DOCK1: variants seen among roughly 807,000 people sequenced by gnomAD.
DOCK1 encodes the protein dedicator of cytokinesis protein 1.
Under a neutral mutation model 262.7 loss-of-function variants are expected in DOCK1, and 138 were observed. The ratio of observed to expected loss-of-function variants is 0.53; its 90% CI spans 0.46 to 0.61. The LOEUF is 0.61. Ranked by LOEUF, DOCK1 falls within the 20% of genes least tolerant of loss-of-function variation. The pLI is 0.00. For synonymous variants in DOCK1, 866 were observed against 867.4 expected, an observed-to-expected ratio of 1.00 and a Z score of 0.03; for missense variants, 1,908 against 2,370.7, an observed-to-expected ratio of 0.80 and a Z score of 4.05.
chr10:127,042,574 G>T (rs2044089892), intron 19 of DOCK1, 51 bp from the exon 20 acceptor site: 5 of 1,492,980 alleles, frequency 3.3e-6, no homozygotes, highest in South Asian at 2.3e-5. Context: ...CCAGTGTGTG[G>T]GGGAAGTCCG....
chr10:127,111,068 T>C (rs1163725924), intron 25 of DOCK1, among the ~76,000 whole-genome samples: 2 of 152,202 alleles, frequency 1.3e-5, no homozygotes, highest in Non-Finnish European at 2.9e-5. Flanking sequence ...ATTTGGCTGC[T>C]CCATTCATTT....
chr10:127,191,384 C>T lies in DOCK1; in HGVS notation c.2848-56624C>T, dbSNP rs1214853761. 2.0e-5 allele frequency among the ~76,000 whole-genome samples: 3 copies of T among 152,278 alleles called. No homozygotes were observed. In the East Asian group the frequency reaches 5.8e-4, roughly 29 times the overall value. On this transcript the variant is annotated intron_variant, in intron 27 of 51. Coordinates refer to ENST00000623213, the MANE Select transcript of DOCK1 (RefSeq NM_001290223.2). ...AGTACATATCCACAAATCAGAAGTC[C>T]TCTCTGAACAAAGCCATCTGCATAT...
chr10:126,942,282 C>CGAAGT (rs1462163398), intron 1 of DOCK1, among the ~76,000 whole-genome samples: 44 of 152,182 alleles, frequency 2.9e-4, no homozygotes, highest in Non-Finnish European at 6.3e-4. Context: ...CTCGGCCTCC[C>CGAAGT]GAAGTGCTGG....
At chr10:127,049,494 C>G (rs2044570323) in intron 21 of DOCK1, among the ~76,000 whole-genome samples, 1 of 151,802 alleles carries the variant, frequency 6.6e-6, no homozygotes, top group Non-Finnish European at 1.5e-5. Flanking sequence ...GCACGCCAGC[C>G]TGAGTGACAG....
In DOCK1 at chr10:127,000,212, T is replaced by C. The variant is rs141906544; in HGVS notation, c.890T>C (p.Phe297Ser). The C allele has an allele frequency of 6.2e-7, 1 of 1,614,022 alleles. No homozygotes were observed. Among genetic ancestry groups the C allele is most frequent in the East Asian group, 2.2e-5 (1 of 44,884 alleles). Reference protein sequence around the residue: ...SKDLKREKISFVCQIVRVGRM... With the variant: ...SKDLKREKISSVCQIVRVGRM... ...GACCTGAAAAGGGAGAAAATCAGTT[T>C]TGTCTGTCAGATTGTTCGCGTGGGT... The change falls in exon 10 of 52, where the codon TTT becomes TCT. Residue 297 changes from phenylalanine to serine, a missense_variant. Phe to Ser is a radical substitution (Grantham distance 155). Transcript: ENST00000623213.
chr10:127,040,876 A>G (rs1187612659), intron 19 of DOCK1, among the ~76,000 whole-genome samples: 2 of 152,090 alleles, frequency 1.3e-5, no homozygotes, highest in Non-Finnish European at 2.9e-5. Flanking sequence ...ATTTCAGAAC[A>G]CTTTCATCAT....
intron 21 of DOCK1, among the ~76,000 whole-genome samples, chr10:127,048,859 C>T (rs1431569799): frequency 2.0e-5 from 3 of 152,144 alleles, no homozygotes; most frequent in Non-Finnish European, 1.5e-5. Flanking sequence ...ATGGGAAGTT[C>T]CTTGATCTGA....
At position 127,313,214 on chromosome 10, in the gene DOCK1, G is replaced by A. The variant is rs571711251; in HGVS notation, c.3045-25792G>A. ...TTCCTCTATTTCCATGAGGCACCAT[G>A]GGCACCCCTCACCTCCCCTCAGAGT... On this transcript the variant is annotated intron_variant, in intron 29 of 51. Coordinates refer to ENST00000623213, the MANE Select transcript of DOCK1 (RefSeq NM_001290223.2). Among the ~76,000 whole-genome samples, 118 of 152,210 alleles carry A rather than the reference G, an allele frequency of 7.8e-4. No individual in the cohort carries two copies. In the South Asian group the frequency reaches 0.016, roughly 20 times the overall value.
chr10:127,027,035 A>G (rs1386329681), intron 16 of DOCK1, among the ~76,000 whole-genome samples: 1 of 152,254 alleles, frequency 6.6e-6, no homozygotes, highest in African/African-American at 2.4e-5. Context: ...ACAGAAGGAA[A>G]ACATGATTCC....
At chr10:127,281,194 A>G (rs2060950295) in intron 29 of DOCK1, among the ~76,000 whole-genome samples, 1 of 152,348 alleles carries the variant, frequency 6.6e-6, no homozygotes, top group East Asian at 1.9e-4. Flanking sequence ...ATCCTCCAAG[A>G]AGCAAACTCA....
intron 1 of DOCK1, among the ~76,000 whole-genome samples, chr10:126,942,150 G>A (rs1176126140): frequency 4.0e-5 from 6 of 149,610 alleles, no homozygotes; most frequent in African/African-American, 7.7e-5. Context: ...TCAGCCTCCC[G>A]AGTAGCGGGA....
chr10:127,003,869 G>C (rs1279496237), intron 10 of DOCK1, among the ~76,000 whole-genome samples: 1 of 152,118 alleles, frequency 6.6e-6, no homozygotes, highest in Non-Finnish European at 1.5e-5. Context: ...GAGAAGAGTT[G>C]CTTGAACCTG....
intron 49 of DOCK1, among the ~76,000 whole-genome samples, chr10:127,442,393 T>G (rs2070226751): frequency 6.6e-6 from 1 of 152,172 alleles, no homozygotes; most frequent in Admixed American, 6.5e-5. Flanking sequence ...CTGCCCTTCC[T>G]TGGGGGAGAA....
intron 27 of DOCK1, among the ~76,000 whole-genome samples, chr10:127,185,884 G>A (rs542736927): frequency 2.0e-5 from 3 of 152,260 alleles, no homozygotes; most frequent in Non-Finnish European, 4.4e-5. Flanking sequence ...TAACCATGCA[G>A]TATATTGGGG....
intron 27 of DOCK1, chr10:127,153,731 G>T: frequency 4.1e-6 from 3 of 734,946 alleles, no homozygotes; most frequent in East Asian, 2.7e-5. Context: ...GTCAAGTAAG[G>T]TCCTTCACTT....
chr10:127,413,722 G>A (rs888519293), intron 43 of DOCK1, among the ~76,000 whole-genome samples: 1 of 152,178 alleles, frequency 6.6e-6, no homozygotes, highest in Non-Finnish European at 1.5e-5. Context: ...AGGTGGATGT[G>A]AGAGGGCCAG....
chr10:127,055,329 C>G (rs1371942815), intron 22 of DOCK1, among the ~76,000 whole-genome samples: 1 of 152,174 alleles, frequency 6.6e-6, no homozygotes, highest in Non-Finnish European at 1.5e-5. Context: ...TTCTGCCCCT[C>G]CCAGCATCAG....
At chr10:127,074,840 T>C (rs1242511482) in intron 23 of DOCK1, among the ~76,000 whole-genome samples, 1 of 152,122 alleles carries the variant, frequency 6.6e-6, no homozygotes, top group East Asian at 1.9e-4. Flanking sequence ...CATTAAACAT[T>C]TTATATGATC....
intron 27 of DOCK1, among the ~76,000 whole-genome samples, chr10:127,174,885 T>G (rs978357553): frequency 1.3e-5 from 2 of 152,230 alleles, no homozygotes; most frequent in Admixed American, 1.3e-4. Flanking sequence ...TGGACTGGCA[T>G]ATGTTGTTAT....
Sources: gnomAD v4.1 joint callset for allele counts (sites outside exome capture counted in the v4.1 genomes callset) on GRCh38, gnomAD v4.1.1 for gene constraint, MANE v1.5 for transcripts, NCBI Gene and HGNC (gene_info 2026-07-23, HGNC 2026-07-21) for gene names.